The following NBPF6 variants were observed in gnomAD, a reference collection of about 807,000 sequenced individuals.
The protein encoded by NBPF6 is NBPF member 6.
In NBPF6, 2 loss-of-function variants were observed where a neutral mutation model predicts 20.8. That is an observed-to-expected ratio of 0.10 (90% CI 0.04 to 0.30). The LOEUF (loss-of-function observed/expected upper bound fraction) is 0.30. NBPF6 is among the 10% of genes least tolerant of loss of function. The pLI is 1.00. For missense variants in NBPF6, 85 were observed against 260.3 expected, an observed-to-expected ratio of 0.33 and a Z score of 4.63; for synonymous variants, 24 against 100.0, an observed-to-expected ratio of 0.24 and a Z score of 4.53.
chr1:108,468,491 CAG>C (rs1653276658), intron 14 of NBPF6, among the ~76,000 whole-genome samples: 1 of 87,728 alleles, frequency 1.1e-5, no homozygotes, highest in Non-Finnish European at 2.4e-5. Context: ...TTTTCAAGTC[CAG>C]TTAAGGGTCT....
chr1:108,436,592 C>CAAAAAAAAA, the NBPF6 span, among the ~76,000 whole-genome samples: 2 of 16,352 alleles, frequency 1.2e-4, no homozygotes, highest in Non-Finnish European at 2.0e-4. Context: ...GGCTCTGTCT[C>CAAAAAAAAA]AAAAAAAAAA....
upstream of NBPF6, among the ~76,000 whole-genome samples, chr1:108,447,882 A>G (rs1288403083): frequency 6.8e-6 from 1 of 147,392 alleles, no homozygotes; most frequent in East Asian, 2.0e-4. Flanking sequence ...AACTCAAATC[A>G]ATAACTAATT....
chr1:108,459,264 CTT>C (rs1264239940), intron 9 of NBPF6, among the ~76,000 whole-genome samples, 155 bp downstream of exon 9: 4 of 81,504 alleles, frequency 4.9e-5, no homozygotes, highest in Non-Finnish European at 1.0e-4. Flanking sequence ...CATTGTGAAA[CTT>C]TTAATGTTTG....
chr1:108,471,329 A>T lies in NBPF6; in HGVS notation c.*691A>T, dbSNP rs1255518665. On this transcript the variant is annotated 3_prime_UTR_variant, in exon 15 of 15. Coordinates refer to ENST00000495380, the MANE Select transcript of NBPF6 (RefSeq NM_001143988.2). ...GTTATCTGAAAATGTCGTCATGATT[A>T]AATTCAGCCTAAACATTTTGCCAGG... Among the ~76,000 whole-genome samples, 1 of 152,146 alleles carries T rather than the reference A, an allele frequency of 6.6e-6. No homozygotes were observed. The highest frequency in any genetic ancestry group is 1.5e-5 in the Non-Finnish European group (1 of 68,022).
chr1:108,453,044 G>C lies in NBPF6; in HGVS notation c.279-137G>C, dbSNP rs1404551467. 1.1e-4 allele frequency: 27 copies of C among 239,406 alleles called. 2 individuals carry two copies. The highest frequency in any genetic ancestry group is 8.6e-4 in the African/African-American group (26 of 30,202). The allele number at this position is 239,406 out of a possible 1,614,324, so 14.8% of individuals were successfully genotyped here. ...TATATTCTTCTTTCTCTTGGCCACA[G>C]ACATTTCCCCAAACATGTTCTGACC... On this transcript the variant is annotated intron_variant, in intron 3 of 14. Transcript: ENST00000495380.
chr1:108,448,113 A>G (rs1819753), upstream of NBPF6, among the ~76,000 whole-genome samples: 119,681 of 137,282 alleles, frequency 0.87, 52,799 homozygotes, highest in East Asian at 1. Context: ...GTGTGACCAT[A>G]GACTACCCAG....
chr1:108,434,760 G>A, the NBPF6 span, among the ~76,000 whole-genome samples: 1 of 88,678 alleles, frequency 1.1e-5, no homozygotes, highest in Non-Finnish European at 2.8e-5. Flanking sequence ...CAAAATGCTG[G>A]AATCACAAGC....
chr1:108,448,973 G>A (rs1652721998), upstream of NBPF6, among the ~76,000 whole-genome samples: 2 of 24,252 alleles, frequency 8.2e-5, 1 homozygote. Context: ...AGACACCAGA[G>A]AATAGATAAA....
In NBPF6 at chr1:108,470,794, G is replaced by A. The variant is rs541396209; in HGVS notation, c.*156G>A. ...TGACTTCAAGCCACTATGCTCCTTT[G>A]ATTTGAGAAGCCACATTCCATCCCC... On this transcript the variant is annotated 3_prime_UTR_variant, in exon 15 of 15. Transcript: ENST00000495380. 1,049 of 516,940 alleles carry A rather than the reference G, an allele frequency of 2.0e-3. 11 individuals are homozygous for A. The highest frequency in any genetic ancestry group is 0.019 in the African/African-American group (951 of 49,842). 32.0% of individuals were successfully genotyped at this position (516,940 alleles called of 1,614,324 possible).
intron 14 of NBPF6, 38 bp downstream of exon 14, chr1:108,467,703 T>C (rs1402081367): frequency 8.4e-6 from 13 of 1,548,392 alleles, no homozygotes. Context: ...ACTCACTTCT[T>C]ATTTCTCTGT....
At chr1:108,467,874 A>T (rs1306645826) in intron 14 of NBPF6, among the ~76,000 whole-genome samples, 1 of 150,262 alleles carries the variant, frequency 6.7e-6, no homozygotes, top group Non-Finnish European at 1.5e-5. Context: ...ACTCTGCTCT[A>T]TTCCTTTTTC....
the NBPF6 span, among the ~76,000 whole-genome samples, chr1:108,436,691 A>G: frequency 7.7e-3 from 680 of 88,098 alleles, 68 homozygotes; most frequent in African/African-American, 0.023. Flanking sequence ...TATATGGATA[A>G]AAAGATATTT....
chr1:108,470,588 C>G lies in NBPF6; in HGVS notation c.1876-9C>G. 6.4e-7 allele frequency: 1 copy of G among 1,550,440 alleles called. No individual in the cohort carries two copies. The highest frequency in any genetic ancestry group is 1.2e-5 in the South Asian group (1 of 83,838). ...CTCATTTGATTTTTTTTCTCTCTCT[C>G]CCCTACAGATACCAAATACTGCTGA... On this transcript the variant is annotated splice_polypyrimidine_tract_variant and intron_variant, in intron 14 of 14. Coordinates refer to ENST00000495380, the MANE Select transcript of NBPF6 (RefSeq NM_001143988.2).
chr1:108,469,327 G>A lies in NBPF6; in HGVS notation c.1876-1270G>A, dbSNP rs547216663. Among the ~76,000 whole-genome samples, 478 of 150,172 alleles carry A rather than the reference G, an allele frequency of 3.2e-3. 6 individuals are homozygous for A. Among genetic ancestry groups the A allele is most frequent in the African/African-American group, 0.011 (460 of 40,470 alleles). ...TACATTTCCCCACACCCATTTTATA[G>A]CCCACCAATGGTCTCACCACTGCAA... On this transcript the variant is annotated intron_variant, in intron 14 of 14. Transcript: ENST00000495380.
intron 3 of NBPF6, among the ~76,000 whole-genome samples, chr1:108,452,780 T>C (rs369891606): frequency 2.5e-4 from 19 of 75,882 alleles, no homozygotes; most frequent in East Asian, 7.3e-4. Context: ...CACTGCAAGA[T>C]GCGCTATGTG....
chr1:108,471,451 G>A lies in NBPF6; in HGVS notation c.*813G>A, dbSNP rs1653470290. Among the ~76,000 whole-genome samples the A allele has an allele frequency of 6.6e-6, 1 of 152,194 alleles. No homozygotes were observed. Among genetic ancestry groups the A allele is most frequent in the African/African-American group, 2.4e-5 (1 of 41,454 alleles). On this transcript the variant is annotated 3_prime_UTR_variant, in exon 15 of 15. Coordinates refer to ENST00000495380, the MANE Select transcript of NBPF6 (RefSeq NM_001143988.2). ...ATCCCCAGTGCGGTGATACTAGGAT[G>A]TTCACTTGGTCAAGGAGGGGTCTAG...
chr1:108,470,696 A>C lies in NBPF6; in HGVS notation c.*58A>C. The C allele has an allele frequency of 7.3e-7, 1 of 1,368,850 alleles. No individual in the cohort carries two copies. Among genetic ancestry groups the C allele is most frequent in the Non-Finnish European group, 1.0e-6 (1 of 990,696 alleles). 84.8% of individuals were successfully genotyped at this position (1,368,850 alleles called of 1,614,324 possible). A position where few individuals can be genotyped will look rare whatever the true frequency, so the allele number is the denominator to read the frequency against. On this transcript the variant is annotated 3_prime_UTR_variant, in exon 15 of 15. Transcript: ENST00000495380. ...ATAAAAACAACTAAAACAGCAAAGC[A>C]AGTTTAAGTCCAAACACAATACTGC...
rs1208081829 is a variant in NBPF6 at position 108,471,709 on chromosome 1, C to T, written c.*1071C>T. On this transcript the variant is annotated 3_prime_UTR_variant, in exon 15 of 15. Coordinates refer to ENST00000495380, the MANE Select transcript of NBPF6 (RefSeq NM_001143988.2). ...CTGTCGTAAAAAGGAACATTCCCTG[C>T]CCAAAGTTTGACTTTCATCCAAAAT... is the stretch of plus-strand genomic sequence containing the variant. Among the ~76,000 whole-genome samples, 2 of 152,128 alleles carry T rather than the reference C, an allele frequency of 1.3e-5. No homozygotes were observed. The highest frequency in any genetic ancestry group is 2.4e-5 in the African/African-American group (1 of 41,416).
intron 13 of NBPF6, among the ~76,000 whole-genome samples, 193 bp downstream of exon 13, chr1:108,465,617 A>G (rs1653142309): frequency 2.5e-5 from 2 of 79,456 alleles, no homozygotes; most frequent in African/African-American, 5.4e-5. Context: ...TGGGTTTGCC[A>G]CTTTCTGCTT....
Sources: gnomAD v4.1 joint callset for allele counts (sites outside exome capture counted in the v4.1 genomes callset) on GRCh38, gnomAD v4.1.1 for gene constraint, MANE v1.5 for transcripts, NCBI Gene and HGNC (gene_info 2026-07-23, HGNC 2026-07-21) for gene names.